NCOA2: variants seen among roughly 807,000 people sequenced by gnomAD.
NCOA2 encodes the protein class E basic helix-loop-helix protein 75.
Under a neutral mutation model 145.1 loss-of-function variants are expected in NCOA2, and 21 were observed. The observed-to-expected ratio is 0.14, with a 90% CI of 0.10 to 0.21. The LOEUF is 0.21. Among genes scored for constraint, NCOA2 ranks in the 10% least tolerant of loss-of-function variants. The probability of loss-of-function intolerance (pLI) is 1.00; values close to 1 mark genes in which losing one functional copy is unlikely to be tolerated. For synonymous variants in NCOA2, 619 were observed against 637.5 expected (o/e 0.97, Z 0.44); for missense variants, 1,472 against 1,837.6 (o/e 0.80, Z 3.64).
intron 2 of NCOA2, among the ~76,000 whole-genome samples, chr8:70,293,281 A>G (rs1052389575): frequency 1.3e-5 from 2 of 152,218 alleles, no homozygotes; most frequent in African/African-American, 2.4e-5. Context: ...ATATACATCC[A>G]GTTAAATCAG....
rs560519492 is a variant in NCOA2 at position 70,382,154 on chromosome 8, T to G, written c.-77+21546A>C. ...GAATATAAAATAAGCTATCGTAAGG[T>G]TAACAGCCAACATATGGTCTGGGAA... On this transcript the variant is annotated intron_variant, in intron 1 of 22. Transcript: ENST00000452400. 5.0e-4 allele frequency among the ~76,000 whole-genome samples: 76 copies of G among 151,990 alleles called. 1 individual carries two copies. The South Asian group carries it at 0.016, about 32-fold the overall frequency.
At chr8:70,119,230 T>G (rs1185966698) in intron 22 of NCOA2, among the ~76,000 whole-genome samples, 1 of 152,136 alleles carries the variant, frequency 6.6e-6, no homozygotes, top group Non-Finnish European at 1.5e-5. Flanking sequence ...CCCTTCTCAG[T>G]CTCTGTTATC....
chr8:70,286,940 A>G (rs1427175122), intron 2 of NCOA2, among the ~76,000 whole-genome samples: 3 of 152,182 alleles, frequency 2.0e-5, no homozygotes, highest in African/African-American at 4.8e-5. Flanking sequence ...AAAACTGTCC[A>G]ATATAAATTA....
intron 1 of NCOA2, among the ~76,000 whole-genome samples, chr8:70,322,245 G>A (rs1257580829): frequency 6.6e-6 from 1 of 151,976 alleles, no homozygotes; most frequent in East Asian, 1.9e-4. Context: ...AATATTTTTG[G>A]CATGGTTCTT....
At chr8:70,344,316 T>C (rs919426666) in intron 1 of NCOA2, among the ~76,000 whole-genome samples, 2 of 152,308 alleles carry the variant, frequency 1.3e-5, no homozygotes, top group Middle Eastern at 3.4e-3. Flanking sequence ...GGTACTAAGC[T>C]TGAGAGAAGA....
Position 70,157,289 on chromosome 8 carries a change from A to G in NCOA2, c.1125-49T>C, listed in dbSNP as rs757124790. 1.1e-5 allele frequency: 16 copies of G among 1,473,590 alleles called. 1 individual carries two copies. In the Middle Eastern group the frequency reaches 5.4e-4, roughly 50 times the overall value. 91.3% of individuals were successfully genotyped at this position (1,473,590 alleles called of 1,614,324 possible). A position where few individuals can be genotyped will look rare whatever the true frequency, so the allele number is the denominator to read the frequency against. On this transcript the variant is annotated intron_variant, in intron 10 of 22. Transcript: ENST00000452400. Reference sequence around the variant, plus strand: ...ATGTAAGATAAAAGGAAAAATACTTAGCAAGTTGTTATTAATTTTTAAAAA... The same window carrying G: ...ATGTAAGATAAAAGGAAAAATACTTGGCAAGTTGTTATTAATTTTTAAAAA...
At chr8:70,418,642 A>C in the NCOA2 span, among the ~76,000 whole-genome samples, 1 of 152,174 alleles carries the variant, frequency 6.6e-6, no homozygotes, top group Non-Finnish European at 1.5e-5. Flanking sequence ...GGTCAATTAC[A>C]TTGGACTGCT....
the NCOA2 span, among the ~76,000 whole-genome samples, chr8:70,453,754 C>G: frequency 2.0e-5 from 3 of 152,200 alleles, no homozygotes; most frequent in African/African-American, 7.2e-5. Context: ...GGATTCAGCA[C>G]TGTGAAACAC....
At position 70,144,823 on chromosome 8, in the gene NCOA2, T is replaced by C. The variant is rs1220830634; in HGVS notation, c.2631A>G (p.Gln877=). The change falls in exon 13 of 23, where the codon CAA becomes CAG. Residue 877 remains glutamine, a synonymous_variant. Coordinates refer to ENST00000452400, the MANE Select transcript of NCOA2 (RefSeq NM_006540.4). The part of the protein sequence containing the change: ...QSTFNNPRPG[Q]LGRLLPNQNL... ...TCTGGTTTGGCAATAACCTGCCCAG[T>C]TGCCCTGGTCGTGGGTTATTAAAAG... 9.3e-6 allele frequency: 15 copies of C among 1,613,874 alleles called. No homozygotes were observed. The highest frequency in any genetic ancestry group is 2.7e-5 in the African/African-American group (2 of 74,934).
chr8:70,143,239 T>C (rs1810660703), intron 13 of NCOA2, among the ~76,000 whole-genome samples: 1 of 152,170 alleles, frequency 6.6e-6, no homozygotes, highest in Non-Finnish European at 1.5e-5. Flanking sequence ...TGAGCCACCA[T>C]GCCTGGCCTA....
At chr8:70,311,845 A>G (rs2136016372) in intron 1 of NCOA2, among the ~76,000 whole-genome samples, 1 of 152,326 alleles carries the variant, frequency 6.6e-6, no homozygotes, top group East Asian at 1.9e-4. Flanking sequence ...ATCCTCAAAT[A>G]AAGAGCCATT....
chr8:70,455,467 G>A, the NCOA2 span, among the ~76,000 whole-genome samples: 1 of 152,180 alleles, frequency 6.6e-6, no homozygotes, highest in Admixed American at 6.5e-5. Flanking sequence ...TGTATTTCAG[G>A]ATAGTCTATT....
In NCOA2 at chr8:70,111,602, C is replaced by T. The variant is rs1585678825; in HGVS notation, c.*2030G>A. 9.2e-6 allele frequency: 2 copies of T among 216,660 alleles called. No homozygotes were observed. The highest frequency in any genetic ancestry group is 4.5e-5 in the African/African-American group (2 of 44,346). 13.4% of individuals were successfully genotyped at this position (216,660 alleles called of 1,614,324 possible). The stretch of plus-strand genomic sequence containing the variant: ...GCCACCTCCCTGTATTGAGACCCCT[C>T]TCAAGTGGAAAAAAGTAGCGAAATG... On this transcript the variant is annotated 3_prime_UTR_variant, in exon 23 of 23. Coordinates refer to ENST00000452400, the MANE Select transcript of NCOA2 (RefSeq NM_006540.4).
intron 2 of NCOA2, 44 bp from the exon 3 acceptor site, chr8:70,216,808 C>G: frequency 8.1e-7 from 1 of 1,239,184 alleles, no homozygotes; most frequent in African/African-American, 1.5e-5. Context: ...ATGAAGAGAG[C>G]TGATGATGAA....
intron 2 of NCOA2, among the ~76,000 whole-genome samples, chr8:70,221,857 C>A (rs552141963): frequency 6.6e-6 from 1 of 152,106 alleles, no homozygotes; most frequent in Non-Finnish European, 1.5e-5. Context: ...AACGTTGCTT[C>A]CCATTGGCAA....
intron 1 of NCOA2, among the ~76,000 whole-genome samples, chr8:70,383,033 G>A (rs2131465485): frequency 6.6e-6 from 1 of 152,280 alleles, no homozygotes; most frequent in South Asian, 2.1e-4. Context: ...TACAGAAAAT[G>A]GTAGAAAGTC....
chr8:70,228,004 C>A (rs1256726130), intron 2 of NCOA2, among the ~76,000 whole-genome samples: 1,042 of 111,980 alleles, frequency 9.3e-3, no homozygotes, highest in East Asian at 0.022. Context: ...GACTCCATCT[C>A]AAAAAAAAAA....
intron 4 of NCOA2, among the ~76,000 whole-genome samples, chr8:70,189,991 T>G (rs542063325): frequency 6.6e-6 from 1 of 152,322 alleles, no homozygotes; most frequent in African/African-American, 2.4e-5. Context: ...AGAATGAACA[T>G]AGCAAAGCTG....
intron 15 of NCOA2, among the ~76,000 whole-genome samples, chr8:70,137,320 G>T (rs1809846619): frequency 6.6e-6 from 1 of 152,214 alleles, no homozygotes; most frequent in Non-Finnish European, 1.5e-5. Flanking sequence ...TAGGATTACA[G>T]GCGTGAGCCA....
Sources: allele counts gnomAD v4.1 joint callset (sites outside exome capture counted in the v4.1 genomes callset), GRCh38; gene constraint gnomAD v4.1.1; transcripts MANE v1.5; gene names NCBI Gene and HGNC (gene_info 2026-07-23, HGNC 2026-07-21).